The following CDH18 variants were observed in gnomAD, a reference collection of about 807,000 sequenced individuals.
CDH18 encodes cadherin-18.
In CDH18, 31 loss-of-function variants were observed where a neutral mutation model predicts 67.9. That is an observed-to-expected ratio of 0.46 (90% CI 0.34 to 0.62). The LOEUF is 0.62. Among genes scored for constraint, CDH18 ranks in the 20% least tolerant of loss-of-function variants. The pLI is 0.01. For missense variants in CDH18, 890 were observed against 975.5 expected, an observed-to-expected ratio of 0.91 and a Z score of 1.17; for synonymous variants, 362 against 347.2, an observed-to-expected ratio of 1.04 and a Z score of -0.48.
chr5:20,463,000 T>C (rs1751379090), intron 1 of CDH18, among the ~76,000 whole-genome samples: 1 of 152,112 alleles, frequency 6.6e-6, no homozygotes, highest in Non-Finnish European at 1.5e-5. Flanking sequence ...ACAGGTGCAG[T>C]TTTTAAAACA....
At chr5:19,856,886 A>G (rs1784346641) in intron 2 of CDH18, among the ~76,000 whole-genome samples, 1 of 151,378 alleles carries the variant, frequency 6.6e-6, no homozygotes, top group Non-Finnish European at 1.5e-5. Flanking sequence ...CACTGACTCG[A>G]TTTTTTTTTC....
chr5:20,294,030 T>C (rs546219671), intron 1 of CDH18, among the ~76,000 whole-genome samples: 1 of 152,330 alleles, frequency 6.6e-6, no homozygotes, highest in South Asian at 2.1e-4. Flanking sequence ...TTAATGAATA[T>C]GTACTGCTTG....
intron 3 of CDH18, among the ~76,000 whole-genome samples, chr5:19,756,658 G>T (rs137931439): frequency 1.3e-3 from 196 of 152,278 alleles, no homozygotes; most frequent in African/African-American, 4.1e-3. Flanking sequence ...TCCCTCCTTA[G>T]CTTGTTGGCT....
At position 20,569,689 on chromosome 5, in the gene CDH18, G is replaced by A. The variant is rs1006748682; in HGVS notation, c.-580+5773C>T. ...CATGCTCATTGGTATTTACCCAAAT[G>A]AGTTGAACACTTACATATACACAAA... On this transcript the variant is annotated intron_variant, in intron 1 of 14. Transcript: ENST00000507958. Among the ~76,000 whole-genome samples, 5 of 152,168 alleles carry A rather than the reference G, an allele frequency of 3.3e-5. No homozygotes were observed. The East Asian group carries it at 7.7e-4, about 23-fold the overall frequency.
At chr5:20,216,638 C>T (rs1580501412) in intron 2 of CDH18, among the ~76,000 whole-genome samples, 1 of 151,902 alleles carries the variant, frequency 6.6e-6, no homozygotes, top group African/African-American at 2.4e-5. Context: ...AGATTTTACA[C>T]TAGTTTCCTC....
At position 19,785,520 on chromosome 5, in the gene CDH18, G is replaced by A. The variant is rs192845373; in HGVS notation, c.229-38284C>T. Reference sequence around the variant, plus strand: ...ATACAAAAAATTAGCCAGGCATGGTGGTGCATGCCTGTAATTCCAGCTACT... The same window carrying A: ...ATACAAAAAATTAGCCAGGCATGGTAGTGCATGCCTGTAATTCCAGCTACT... On this transcript the variant is annotated intron_variant, in intron 3 of 12. Coordinates refer to ENST00000382275, the MANE Select transcript of CDH18 (RefSeq NM_004934.5). 1.1e-4 allele frequency among the ~76,000 whole-genome samples: 17 copies of A among 150,200 alleles called. No homozygotes were observed. The East Asian group carries it at 2.8e-3, about 25-fold the overall frequency.
chr5:20,156,112 G>A (rs1164783467), intron 2 of CDH18, among the ~76,000 whole-genome samples: 1 of 152,090 alleles, frequency 6.6e-6, no homozygotes, highest in Non-Finnish European at 1.5e-5. Flanking sequence ...GGAGAAAGGG[G>A]AACACTTATT....
rs187676818 is a variant in CDH18 at position 20,042,919 on chromosome 5, G to A, written c.-517-50905C>T. Among the ~76,000 whole-genome samples the A allele has an allele frequency of 2.7e-3, 415 of 151,948 alleles. 8 individuals carry two copies. The highest frequency in any genetic ancestry group is 0.023 in the East Asian group (117 of 5,138). ...AGAGCTTGCAGTGAGCCAAGATCGC[G>A]CCACTGCACTCCAGCCTGGGCGACA... On this transcript the variant is annotated intron_variant, in intron 2 of 14. Coordinates refer to the CDH18 transcript ENST00000507958.
chr5:20,384,698 C>T (rs1267816626), intron 1 of CDH18, among the ~76,000 whole-genome samples: 1 of 152,124 alleles, frequency 6.6e-6, no homozygotes, highest in Non-Finnish European at 1.5e-5. Context: ...ATTTTACATA[C>T]CAACAACAGT....
Position 19,726,101 on chromosome 5 carries a change from T to C in CDH18, c.524-4635A>G, listed in dbSNP as rs188410294. On this transcript the variant is annotated intron_variant, in intron 4 of 12. Coordinates refer to ENST00000382275, the MANE Select transcript of CDH18 (RefSeq NM_004934.5). ...ACATGAAAGGAGGAGAGTTGCTCTG[T>C]TTAGCTTGGGGTGTCTATAAAAGTC... Among the ~76,000 whole-genome samples, 289 of 152,270 alleles carry C rather than the reference T, an allele frequency of 1.9e-3. 1 individual carries two copies. Among genetic ancestry groups the C allele is most frequent in the Middle Eastern group, 0.01 (3 of 294 alleles).
chr5:19,976,779 C>T (rs1189519295), intron 2 of CDH18, among the ~76,000 whole-genome samples: 2 of 130,000 alleles, frequency 1.5e-5, no homozygotes, highest in Admixed American at 1.6e-4. Flanking sequence ...CTTATGGCAA[C>T]ATGACAGGAT....
At chr5:20,380,771 T>C (rs564921521) in intron 1 of CDH18, among the ~76,000 whole-genome samples, 21 of 152,210 alleles carry the variant, frequency 1.4e-4, no homozygotes, top group Admixed American at 3.9e-4. Context: ...TTAAACAAAA[T>C]TAAAAATGGA....
intron 1 of CDH18, among the ~76,000 whole-genome samples, chr5:20,442,328 A>G (rs959329814): frequency 1.3e-5 from 2 of 151,978 alleles, no homozygotes; most frequent in Non-Finnish European, 2.9e-5. Flanking sequence ...TGAGGCATAC[A>G]TTTTGACATG....
chr5:19,942,933 G>C (rs1290716511), intron 2 of CDH18, among the ~76,000 whole-genome samples: 1 of 152,126 alleles, frequency 6.6e-6, no homozygotes, highest in Admixed American at 6.6e-5. Context: ...AGATGGGACT[G>C]GGTGACCCAT....
At chr5:19,805,980 T>A (rs10520864) in intron 3 of CDH18, among the ~76,000 whole-genome samples, 12,626 of 152,190 alleles carry the variant, frequency 0.083, 533 homozygotes, top group African/African-American at 0.1. Context: ...AGGATTGTAC[T>A]CAGTCACCCA....
chr5:20,555,698 T>A (rs1757868278), intron 1 of CDH18, among the ~76,000 whole-genome samples: 1 of 151,880 alleles, frequency 6.6e-6, no homozygotes, highest in South Asian at 2.1e-4. Flanking sequence ...GTGGACTGAT[T>A]AGTTACAAAG....
chr5:19,553,531 C>G (rs1241121331), intron 8 of CDH18, among the ~76,000 whole-genome samples: 3 of 151,670 alleles, frequency 2.0e-5, no homozygotes, highest in Admixed American at 1.3e-4. Context: ...GATTTTGTCA[C>G]CCAAGCAGTT....
intron 8 of CDH18, among the ~76,000 whole-genome samples, chr5:19,560,779 T>C (rs1444504828): frequency 6.6e-6 from 1 of 151,878 alleles, no homozygotes; most frequent in Non-Finnish European, 1.5e-5. Flanking sequence ...AAAGGACTAA[T>C]ATCCAGAATC....
At chr5:19,877,508 G>A (rs1787159480) in intron 2 of CDH18, among the ~76,000 whole-genome samples, 2 of 152,144 alleles carry the variant, frequency 1.3e-5, no homozygotes, top group South Asian at 4.1e-4. Context: ...ATACTTCACA[G>A]CATGTGCACA....
Sources: gnomAD v4.1 joint callset for allele counts (sites outside exome capture counted in the v4.1 genomes callset) on GRCh38, gnomAD v4.1.1 for gene constraint, MANE v1.5 for transcripts, NCBI Gene and HGNC (gene_info 2026-07-23, HGNC 2026-07-21) for gene names.